Variants in ADAMTSL1 observed in about 807,000 individuals in gnomAD.
ADAMTSL1 encodes the protein ADAMTS-like protein 1.
Under a neutral mutation model 201.8 loss-of-function variants are expected in ADAMTSL1, and 126 were observed. The observed-to-expected ratio is 0.62, with a 90% CI of 0.54 to 0.72. ADAMTSL1 has a LOEUF of 0.72. ADAMTSL1 is among the 30% of genes least tolerant of loss of function. ADAMTSL1 has a pLI of 0.00. For missense variants in ADAMTSL1, 2,679 were observed against 2,277.8 expected (o/e 1.18, Z -3.59); for synonymous variants, 1,121 against 903.4 (o/e 1.24, Z -4.32).
chr9:18,853,804 A>G (rs1826657904), intron 23 of ADAMTSL1, among the ~76,000 whole-genome samples: 1 of 152,068 alleles, frequency 6.6e-6, no homozygotes, highest in Non-Finnish European at 1.5e-5. Flanking sequence ...GCGATTTCAC[A>G]TGAAGGGGAG....
intron 2 of ADAMTSL1, among the ~76,000 whole-genome samples, chr9:18,510,302 A>T (rs542342852): frequency 2.0e-5 from 3 of 152,318 alleles, no homozygotes; most frequent in Admixed American, 6.5e-5. Context: ...GCTTGTGAGG[A>T]GACTTGGTTT....
At chr9:18,025,110 G>GT (rs982927942) in intron 1 of ADAMTSL1, among the ~76,000 whole-genome samples, 1 of 151,740 alleles carries the variant, frequency 6.6e-6, no homozygotes, top group South Asian at 2.1e-4. Context: ...TTTTAATTGG[G>GT]TTTTTTTGCT....
At chr9:18,232,157 C>T (rs1830666527) in intron 2 of ADAMTSL1, among the ~76,000 whole-genome samples, 1 of 152,162 alleles carries the variant, frequency 6.6e-6, no homozygotes, top group Non-Finnish European at 1.5e-5. Flanking sequence ...GATTTTCCTC[C>T]TATTCTTCTC....
At chr9:18,760,098 C>T (rs1819986124) in intron 16 of ADAMTSL1, among the ~76,000 whole-genome samples, 1 of 152,148 alleles carries the variant, frequency 6.6e-6, no homozygotes, top group Non-Finnish European at 1.5e-5. Flanking sequence ...GCCACCCCTT[C>T]CCCCATTAAC....
At chr9:18,180,282 C>A (rs1476635744) in intron 2 of ADAMTSL1, among the ~76,000 whole-genome samples, 8 of 152,144 alleles carry the variant, frequency 5.3e-5, no homozygotes, top group African/African-American at 1.9e-4. Flanking sequence ...GCCTGTAATC[C>A]CAGCACTTTG....
chr9:18,161,137 TAAAC>T (rs1173707521), intron 1 of ADAMTSL1, among the ~76,000 whole-genome samples: 4 of 152,050 alleles, frequency 2.6e-5, no homozygotes, highest in South Asian at 2.1e-4. Context: ...CATTCTTTCT[TAAAC>T]AAATACACAG....
intron 2 of ADAMTSL1, among the ~76,000 whole-genome samples, chr9:18,177,611 T>C (rs1320890563): frequency 6.6e-6 from 1 of 152,210 alleles, no homozygotes; most frequent in Non-Finnish European, 1.5e-5. Flanking sequence ...GCAAGGATAC[T>C]TGGTGATCCA....
chr9:18,875,876 T>C (rs939312937), intron 23 of ADAMTSL1, among the ~76,000 whole-genome samples: 34 of 152,242 alleles, frequency 2.2e-4, no homozygotes, highest in African/African-American at 8.2e-4. Flanking sequence ...TGTTGCCATC[T>C]ATCTCATTAC....
intron 1 of ADAMTSL1, among the ~76,000 whole-genome samples, chr9:18,118,855 G>C (rs1329653120): frequency 3.9e-5 from 6 of 152,076 alleles, no homozygotes; most frequent in African/African-American, 1.2e-4. Flanking sequence ...TAATATCCCT[G>C]TATTTTTTCA....
chr9:18,731,179 C>A (rs1408837002), intron 15 of ADAMTSL1, among the ~76,000 whole-genome samples: 2 of 152,136 alleles, frequency 1.3e-5, no homozygotes, highest in African/African-American at 2.4e-5. Context: ...GCTAAATATT[C>A]CCCACCAGGA....
chr9:17,928,681 G>C (rs978461987), intron 1 of ADAMTSL1, among the ~76,000 whole-genome samples: 2 of 152,166 alleles, frequency 1.3e-5, no homozygotes, highest in Non-Finnish European at 2.9e-5. Flanking sequence ...AGGCTGAGGA[G>C]GGAGGATTGC....
intron 2 of ADAMTSL1, among the ~76,000 whole-genome samples, chr9:18,280,896 G>C (rs1434773782): frequency 7.8e-6 from 1 of 128,096 alleles, no homozygotes; most frequent in Non-Finnish European, 1.6e-5. Flanking sequence ...TTTTTCCTGA[G>C]ACAAGGTCTC....
At chr9:18,285,477 G>C (rs1029149258) in intron 2 of ADAMTSL1, among the ~76,000 whole-genome samples, 2 of 152,028 alleles carry the variant, frequency 1.3e-5, no homozygotes, top group Admixed American at 1.3e-4. Flanking sequence ...TAGAGTTCTA[G>C]CTACTGCAGT....
At chr9:18,828,778 G>T (rs1437273085) in intron 22 of ADAMTSL1, among the ~76,000 whole-genome samples, 1 of 147,218 alleles carries the variant, frequency 6.8e-6, no homozygotes, top group African/African-American at 2.5e-5. Flanking sequence ...CTATACAATG[G>T]TCTTTGTCAG....
intron 3 of ADAMTSL1, among the ~76,000 whole-genome samples, chr9:18,537,124 G>A (rs962571588): frequency 1.1e-4 from 16 of 152,186 alleles, no homozygotes; most frequent in African/African-American, 3.9e-4. Context: ...ATTCTTCTTG[G>A]TCCTGGGGTT....
intron 1 of ADAMTSL1, among the ~76,000 whole-genome samples, chr9:17,919,152 G>A (rs1826208578): frequency 6.7e-6 from 1 of 150,044 alleles, no homozygotes; most frequent in African/African-American, 2.5e-5. Context: ...TCATCCTTTT[G>A]TTATCTTTTA....
intron 3 of ADAMTSL1, among the ~76,000 whole-genome samples, chr9:18,544,233 G>C (rs1160156076): frequency 6.6e-6 from 1 of 152,120 alleles, no homozygotes; most frequent in South Asian, 2.1e-4. Context: ...CATTGCCTTG[G>C]TAAAAGCTAA....
At chr9:18,573,657 A>AG (rs1308412289) in intron 3 of ADAMTSL1, among the ~76,000 whole-genome samples, 2 of 152,202 alleles carry the variant, frequency 1.3e-5, no homozygotes, top group Admixed American at 6.5e-5. Context: ...AATTTCAACT[A>AG]ATCCTCTGAC....
chr9:18,670,831 C>T (rs549510785), intron 9 of ADAMTSL1, among the ~76,000 whole-genome samples: 1 of 152,266 alleles, frequency 6.6e-6, no homozygotes, highest in East Asian at 1.9e-4. Flanking sequence ...ACAGTTGGCC[C>T]TCAGTATCCA....
Sources: gnomAD v4.1 joint callset for allele counts (sites outside exome capture counted in the v4.1 genomes callset) on GRCh38, gnomAD v4.1.1 for gene constraint, MANE v1.5 for transcripts, NCBI Gene and HGNC (gene_info 2026-07-23, HGNC 2026-07-21) for gene names.